PPM1E: variants seen among roughly 807,000 people sequenced by gnomAD.
PPM1E encodes protein phosphatase 1E.
Under a neutral mutation model 65.9 loss-of-function variants are expected in PPM1E, and 20 were observed. The observed-to-expected ratio is 0.30, with a 90% CI of 0.21 to 0.44. The LOEUF is 0.44. Among genes scored for constraint, PPM1E ranks in the 20% least tolerant of loss-of-function variants. PPM1E has a pLI of 1.00. For missense variants in PPM1E, 713 were observed against 953.1 expected, an observed-to-expected ratio of 0.75 and a Z score of 3.32; for synonymous variants, 352 against 374.9, an observed-to-expected ratio of 0.94 and a Z score of 0.70.
rs1598721309 is a variant in PPM1E at position 58,981,305 on chromosome 17, C to CTAGA, written c.*277_*280dup. 2.3e-5 allele frequency: 8 copies of CTAGA among 355,282 alleles called. No homozygotes were observed. The highest frequency in any genetic ancestry group is 3.5e-5 in the Non-Finnish European group (7 of 198,626). 22.0% of individuals were successfully genotyped at this position (355,282 alleles called of 1,614,324 possible). ...CCCCTTCCCACCATCCTTCATGTCA[C>CTAGA]TAGATACACAACCCCCTTCCCACCA... On this transcript the variant is annotated 3_prime_UTR_variant, in exon 7 of 7. Coordinates refer to ENST00000308249, the MANE Select transcript of PPM1E (RefSeq NM_014906.5).
chr17:58,888,791 A>G (rs749809712), intron 1 of PPM1E, among the ~76,000 whole-genome samples: 2 of 152,246 alleles, frequency 1.3e-5, no homozygotes, highest in Non-Finnish European at 2.9e-5. Context: ...AAAACTACAA[A>G]TGGATATTTA....
At chr17:58,773,917 T>C (rs1473284980) in intron 1 of PPM1E, among the ~76,000 whole-genome samples, 1 of 152,138 alleles carries the variant, frequency 6.6e-6, no homozygotes, top group Non-Finnish European at 1.5e-5. Context: ...ATCCCAGCAC[T>C]TTGGGAGGCT....
chr17:58,942,254 C>A (rs1180756506), intron 1 of PPM1E, among the ~76,000 whole-genome samples: 1 of 151,864 alleles, frequency 6.6e-6, no homozygotes, highest in African/African-American at 2.4e-5. Context: ...GTCATGGTGG[C>A]TTGCACCTGT....
intron 1 of PPM1E, among the ~76,000 whole-genome samples, chr17:58,816,770 ATATATATATATATATATATATATATTT>A (rs1187361857): frequency 0.01 from 242 of 23,782 alleles, 8 homozygotes; most frequent in African/African-American, 0.041. Context: ...ATATATATAT[ATATATATATATATATATATATATATTT>A]TTTTTTTTTT....
rs142766826 is a variant in PPM1E at position 58,854,838 on chromosome 17, T to A, written c.464+98377T>A. Reference sequence around the variant, plus strand: ...CTCATGGTCATGATTTTCAACCAAGTGAGATAAATTATTTAAAATGATAAA... The same window carrying A: ...CTCATGGTCATGATTTTCAACCAAGAGAGATAAATTATTTAAAATGATAAA... On this transcript the variant is annotated intron_variant, in intron 1 of 6. Transcript: ENST00000308249. Among the ~76,000 whole-genome samples the A allele has an allele frequency of 2.4e-3, 364 of 152,172 alleles. 4 individuals carry two copies. Among genetic ancestry groups the A allele is most frequent in the African/African-American group, 8.4e-3 (349 of 41,506 alleles).
intron 1 of PPM1E, among the ~76,000 whole-genome samples, chr17:58,864,993 A>G (rs1292386108): frequency 6.6e-6 from 1 of 152,208 alleles, no homozygotes; most frequent in Admixed American, 6.5e-5. Flanking sequence ...TTCCAGATTC[A>G]TCCTTCAAGT....
Position 58,981,048 on chromosome 17 carries a change from G to A in PPM1E, c.*17G>A, listed in dbSNP as rs372158259. 3.9e-6 allele frequency: 6 copies of A among 1,528,748 alleles called. No homozygotes were observed. In the African/African-American group the frequency reaches 6.9e-5, roughly 18 times the overall value. 94.7% of individuals were successfully genotyped at this position (1,528,748 alleles called of 1,614,324 possible). The stretch of plus-strand genomic sequence containing the variant: ...ATAGAATAATTTTTCTTTCAAGTAG[G>A]TTAGCTAGCTCTCCCCCAATAAAAA... On this transcript the variant is annotated 3_prime_UTR_variant, in exon 7 of 7. Transcript: ENST00000308249.
chr17:58,891,193 C>T (rs4426405), intron 1 of PPM1E, among the ~76,000 whole-genome samples: 28,018 of 151,836 alleles, frequency 0.18, 2,735 homozygotes, highest in Non-Finnish European at 0.21. Context: ...CTCAAACCCC[C>T]GACCTCAGGT....
In PPM1E at chr17:58,984,790, C is replaced by T. The variant is rs982694187; in HGVS notation, c.*3759C>T. The stretch of plus-strand genomic sequence containing the variant: ...AGCATTTTATCTTCTATTTTGAAGA[C>T]TATTTATTGTAATAATTAGAAAACA... On this transcript the variant is annotated 3_prime_UTR_variant, in exon 7 of 7. Transcript: ENST00000308249. 6.6e-6 allele frequency: 1 copy of T among 152,384 alleles called. No individual in the cohort carries two copies. Among genetic ancestry groups the T allele is most frequent in the African/African-American group, 2.4e-5 (1 of 41,444 alleles). 9.4% of individuals were successfully genotyped at this position (152,384 alleles called of 1,614,324 possible).
At chr17:58,890,908 C>CA (rs2051336712) in intron 1 of PPM1E, among the ~76,000 whole-genome samples, 1 of 152,174 alleles carries the variant, frequency 6.6e-6, no homozygotes, top group African/African-American at 2.4e-5. Context: ...GACCTTTTCT[C>CA]ATTTACCTCT....
chr17:58,796,803 T>A (rs758475095), intron 1 of PPM1E, among the ~76,000 whole-genome samples: 1 of 151,968 alleles, frequency 6.6e-6, no homozygotes, highest in African/African-American at 2.4e-5. Context: ...TTGTTTTTGG[T>A]TGCATTTTAA....
chr17:58,891,896 C>T (rs1231891943), intron 1 of PPM1E, among the ~76,000 whole-genome samples: 6 of 124,256 alleles, frequency 4.8e-5, no homozygotes, highest in Non-Finnish European at 7.8e-5. Context: ...AGGGCAGTGG[C>T]GTGATCTCAG....
intron 1 of PPM1E, among the ~76,000 whole-genome samples, chr17:58,954,630 C>G (rs568651625): frequency 1.3e-5 from 2 of 152,098 alleles, no homozygotes; most frequent in Non-Finnish European, 2.9e-5. Context: ...GTAATCCCAG[C>G]ACTTTGGGAG....
In PPM1E at chr17:58,768,076, A is replaced by C. The variant is rs922222878; in HGVS notation, c.464+11615A>C. ...AAGGATTCTCCTGCCTCATCCTCCC[A>C]AGTAGCTGGGATTACAGGTGCCTGC... On this transcript the variant is annotated intron_variant, in intron 1 of 6. Transcript: ENST00000308249. Among the ~76,000 whole-genome samples the C allele has an allele frequency of 2.0e-5, 3 of 151,690 alleles. No homozygotes were observed. In the East Asian group the frequency reaches 5.8e-4, roughly 29 times the overall value.
rs894289140 is a variant in PPM1E at position 58,759,851 on chromosome 17, G to A, written c.464+3390G>A. 3.3e-5 allele frequency among the ~76,000 whole-genome samples: 5 copies of A among 152,298 alleles called. 1 individual carries two copies. In the East Asian group the frequency reaches 9.6e-4, roughly 29 times the overall value. ...ACATTGAATTGTGTGAATCATTAAT[G>A]ACTTTGGATTAGGTCAGAAAATCAT... On this transcript the variant is annotated intron_variant, in intron 1 of 6. Transcript: ENST00000308249.
intron 1 of PPM1E, among the ~76,000 whole-genome samples, chr17:58,866,829 C>T (rs755985348): frequency 1.3e-5 from 2 of 152,156 alleles, no homozygotes; most frequent in African/African-American, 2.4e-5. Context: ...GGTGGGTGTT[C>T]AGTACCTTTT....
chr17:58,978,087 T>C (rs1476404757), intron 6 of PPM1E, among the ~76,000 whole-genome samples: 2 of 152,296 alleles, frequency 1.3e-5, no homozygotes, highest in African/African-American at 4.8e-5. Flanking sequence ...AATGAATATA[T>C]AGTCAGATTA....
At chr17:58,944,467 C>T (rs923819720) in intron 1 of PPM1E, among the ~76,000 whole-genome samples, 6 of 152,132 alleles carry the variant, frequency 3.9e-5, no homozygotes, top group Middle Eastern at 3.2e-3. Context: ...AAACCCCCTA[C>T]CTATTAGCAG....
chr17:58,966,727 A>G (rs2030280178), intron 3 of PPM1E: 1 of 153,136 alleles, frequency 6.5e-6, no homozygotes, highest in Non-Finnish European at 1.5e-5. Flanking sequence ...AATGCAAACA[A>G]GTAGGTTTGT....
Sources: gnomAD v4.1 joint callset for allele counts (sites outside exome capture counted in the v4.1 genomes callset) on GRCh38, gnomAD v4.1.1 for gene constraint, MANE v1.5 for transcripts, NCBI Gene and HGNC (gene_info 2026-07-23, HGNC 2026-07-21) for gene names.